The following LRP1B variants were observed in gnomAD, a reference collection of about 807,000 sequenced individuals.
LRP1B encodes LDL receptor related protein 1B.
Under a neutral mutation model 556.6 loss-of-function variants are expected in LRP1B, and 217 were observed. The observed-to-expected ratio is 0.39, with a 90% CI of 0.35 to 0.44. The LOEUF (loss-of-function observed/expected upper bound fraction) is 0.44. Ranked by LOEUF, LRP1B falls within the 20% of genes least tolerant of loss-of-function variation. The pLI is 1.00. For missense variants in LRP1B, 5,053 were observed against 5,620.8 expected (o/e 0.90, Z 3.23); for synonymous variants, 2,047 against 1,865.8 (o/e 1.10, Z -2.50).
At chr2:140,526,126 G>T (rs1163467078) in intron 48 of LRP1B, 111 bp downstream of exon 48, 3 of 1,342,896 alleles carry the variant, frequency 2.2e-6, no homozygotes, top group East Asian at 2.4e-5. Flanking sequence ...ACACAACAGG[G>T]GTTAATTACA....
At chr2:142,087,300 C>T (rs1286051115) in intron 1 of LRP1B, among the ~76,000 whole-genome samples, 2 of 151,480 alleles carry the variant, frequency 1.3e-5, no homozygotes, top group African/African-American at 4.8e-5. Flanking sequence ...ATGTTGTTTT[C>T]AGTAAACTAC....
intron 86 of LRP1B, among the ~76,000 whole-genome samples, chr2:140,263,708 G>T (rs140439469): frequency 6.6e-6 from 1 of 151,858 alleles, no homozygotes; most frequent in East Asian, 1.9e-4. Flanking sequence ...CTTTCCTCTA[G>T]TTTCCAAAAA....
At chr2:140,912,511 G>A (rs191897243) in intron 21 of LRP1B, among the ~76,000 whole-genome samples, 5 of 151,706 alleles carry the variant, frequency 3.3e-5, no homozygotes, top group Non-Finnish European at 7.4e-5. Flanking sequence ...AGTAATTCAA[G>A]TAACCAAGTA....
At chr2:142,070,604 C>T (rs1226162049) in intron 1 of LRP1B, among the ~76,000 whole-genome samples, 1 of 151,848 alleles carries the variant, frequency 6.6e-6, no homozygotes, top group Non-Finnish European at 1.5e-5. Flanking sequence ...GAAGCCATTG[C>T]ATTCAACTGT....
intron 60 of LRP1B, 90 bp from the exon 61 acceptor site, chr2:140,457,741 C>T: frequency 9.8e-7 from 1 of 1,017,060 alleles, no homozygotes; most frequent in Non-Finnish European, 1.5e-6. Flanking sequence ...GATACAACTG[C>T]TACATAACTT....
Position 141,590,145 on chromosome 2 carries a change from C to T in LRP1B, c.206-109612G>A, listed in dbSNP as rs191137662. On this transcript the variant is annotated intron_variant, in intron 2 of 90. Transcript: ENST00000389484. ...TGATTCTACCCAGGCAGGAAAGTAC[C>T]CTACCACTTCACAGCCTAAAACAAA... 7.9e-5 allele frequency among the ~76,000 whole-genome samples: 12 copies of T among 152,144 alleles called. No homozygotes were observed. The East Asian group carries it at 2.3e-3, about 29-fold the overall frequency.
chr2:141,890,366 T>TAC (rs1347927112), intron 1 of LRP1B, among the ~76,000 whole-genome samples: 19 of 107,178 alleles, frequency 1.8e-4, no homozygotes, highest in East Asian at 1.1e-3. Flanking sequence ...TGTGCATATA[T>TAC]ATATATAGTG....
intron 23 of LRP1B, among the ~76,000 whole-genome samples, chr2:140,896,228 C>G (rs1195254723): frequency 6.6e-6 from 1 of 151,622 alleles, no homozygotes; most frequent in African/African-American, 2.4e-5. Flanking sequence ...GAAAATGTAA[C>G]TGAATATTGA....
At position 140,701,752 on chromosome 2, in the gene LRP1B, C is replaced by A. The variant is rs1326186750; in HGVS notation, c.6396G>T (p.Glu2132Asp). 6.2e-7 allele frequency: 1 copy of A among 1,612,848 alleles called. No individual in the cohort carries two copies. Among genetic ancestry groups the A allele is most frequent in the Non-Finnish European group, 8.5e-7 (1 of 1,179,264 alleles). The change falls in exon 40 of 91, where the codon GAG becomes GAT. Residue 2132 changes from glutamate (E) to aspartate (D), a missense_variant. This residue lies in a region of LRP1B where 3,619 missense variants were observed against 3,931.9 expected (regional missense o/e 0.92). Transcript: ENST00000389484. ...CTCTTACTCGGTTAAATATTTTAAC[C>A]TCCTTCAGGTTGACTCCAAGGCCGG... ...MRTGLGVNLKEVKIFNRVREK... is the reference protein window; with the variant it reads ...MRTGLGVNLKDVKIFNRVREK...
At chr2:141,624,796 G>T (rs1468803909) in intron 2 of LRP1B, among the ~76,000 whole-genome samples, 2 of 152,046 alleles carry the variant, frequency 1.3e-5, no homozygotes, top group Middle Eastern at 3.4e-3. Context: ...TTGAGATGGG[G>T]TCTCGCGCTG....
At chr2:141,338,478 C>G (rs370228405) in intron 3 of LRP1B, among the ~76,000 whole-genome samples, 2 of 152,150 alleles carry the variant, frequency 1.3e-5, no homozygotes, top group East Asian at 3.9e-4. Flanking sequence ...AAGTGGTCAA[C>G]TACAAACTGA....
At chr2:140,272,186 G>C (rs1393126764) in intron 85 of LRP1B, among the ~76,000 whole-genome samples, 1 of 151,624 alleles carries the variant, frequency 6.6e-6, no homozygotes, top group Non-Finnish European at 1.5e-5. Flanking sequence ...ACATCAAAGA[G>C]TGCAGCTCAT....
chr2:141,487,385 T>G (rs1241050445), intron 2 of LRP1B, among the ~76,000 whole-genome samples: 1 of 152,196 alleles, frequency 6.6e-6, no homozygotes, highest in Non-Finnish European at 1.5e-5. Flanking sequence ...GAATACACAC[T>G]GCATTTTAAC....
chr2:141,430,873 T>C (rs976030514), intron 3 of LRP1B, among the ~76,000 whole-genome samples: 4 of 152,078 alleles, frequency 2.6e-5, no homozygotes, highest in African/African-American at 7.2e-5. Flanking sequence ...CTCATGCCTG[T>C]AATCCCAGCA....
intron 3 of LRP1B, among the ~76,000 whole-genome samples, chr2:141,294,607 G>C (rs189544230): frequency 6.6e-5 from 10 of 151,684 alleles, no homozygotes; most frequent in Non-Finnish European, 1.3e-4. Context: ...GGATGCCATG[G>C]CATGTGCCTG....
intron 2 of LRP1B, among the ~76,000 whole-genome samples, chr2:141,600,121 G>A (rs1687672297): frequency 6.6e-6 from 1 of 152,142 alleles, no homozygotes; most frequent in Non-Finnish European, 1.5e-5. Flanking sequence ...AGAAGATAGA[G>A]GTGGTGAAAA....
At position 140,841,052 on chromosome 2, in the gene LRP1B, T is replaced by G; in HGVS notation, c.4980A>C (p.Ser1660=). The change falls in exon 30 of 91, where the codon TCA becomes TCC. Residue 1660 remains serine (S), a synonymous_variant. Coordinates refer to ENST00000389484, the MANE Select transcript of LRP1B (RefSeq NM_018557.3). ...CTGAGCTAATCCAGTATAAATTACG[T>G]GACACCCAATCCACTGCTAGCCCTC... The part of the protein sequence containing the change: ...SIRGLAVDWV[S]RNLYWISSEF... 6.2e-7 allele frequency: 1 copy of G among 1,613,022 alleles called. No individual in the cohort carries two copies. Among genetic ancestry groups the G allele is most frequent in the Non-Finnish European group, 8.5e-7 (1 of 1,179,302 alleles).
intron 51 of LRP1B, among the ~76,000 whole-genome samples, chr2:140,513,737 C>A (rs1043698132): frequency 2.6e-5 from 4 of 152,070 alleles, no homozygotes; most frequent in African/African-American, 9.6e-5. Context: ...CAGTCCACAA[C>A]CCCTGAAATT....
intron 2 of LRP1B, among the ~76,000 whole-genome samples, chr2:141,505,261 T>C (rs577120254): frequency 2.7e-4 from 41 of 152,124 alleles, no homozygotes; most frequent in Middle Eastern, 3.4e-3. Context: ...TAACCATTTC[T>C]TCATATATTC....
Sources: gnomAD v4.1 joint callset for allele counts (sites outside exome capture counted in the v4.1 genomes callset) on GRCh38, gnomAD v4.1.1 for gene constraint, gnomAD v4.1.1 regional missense constraint, MANE v1.5 for transcripts, NCBI Gene and HGNC (gene_info 2026-07-23, HGNC 2026-07-21) for gene names.